NACC2: variants seen among roughly 807,000 people sequenced by gnomAD.
NACC2 encodes NACC family member 2, also known as nucleus accumbens-associated protein 2.
Under a neutral mutation model 25.1 loss-of-function variants are expected in NACC2, and 8 were observed. The observed-to-expected ratio is 0.32, with a 90% CI of 0.19 to 0.57. The LOEUF (loss-of-function observed/expected upper bound fraction) is 0.57. Ranked by LOEUF, NACC2 falls within the 20% of genes least tolerant of loss-of-function variation. NACC2 has a pLI of 0.89. For synonymous variants in NACC2, 435 were observed against 294.7 expected, an observed-to-expected ratio of 1.48 and a Z score of -4.88; for missense variants, 644 against 650.2, an observed-to-expected ratio of 0.99 and a Z score of 0.10.
At position 136,076,244 on chromosome 9, in the gene NACC2, C is replaced by T. The variant is rs150574701; in HGVS notation, c.-60+18945G>A. 3.0e-3 allele frequency among the ~76,000 whole-genome samples: 463 copies of T among 152,280 alleles called. 1 individual carries two copies. The highest frequency in any genetic ancestry group is 0.01 in the African/African-American group (428 of 41,552). On this transcript the variant is annotated intron_variant, in intron 1 of 5. Coordinates refer to ENST00000277554, the MANE Select transcript of NACC2 (RefSeq NM_144653.5). ...CAAGGGGCAGCGTTTCCCGGCCCTG[C>T]GGAACTCGAAGAAGTGCTGTAACTA...
intron 2 of NACC2, among the ~76,000 whole-genome samples, chr9:136,024,224 ACAGAGGG>A (rs1840344266): frequency 3.9e-5 from 1 of 25,562 alleles, no homozygotes; most frequent in South Asian, 1.0e-3. Context: ...GTGTGTGAGG[ACAGAGGG>A]TGTGTGTGAG....
At chr9:136,075,728 C>A (rs1264763761) in intron 1 of NACC2, among the ~76,000 whole-genome samples, 3 of 152,222 alleles carry the variant, frequency 2.0e-5, no homozygotes, top group Non-Finnish European at 4.4e-5. Flanking sequence ...GCAGACTGCG[C>A]CCAGGGGAGG....
At chr9:136,074,745 C>T (rs1564240016) in intron 1 of NACC2, among the ~76,000 whole-genome samples, 1 of 152,176 alleles carries the variant, frequency 6.6e-6, no homozygotes, top group East Asian at 2.0e-4. Flanking sequence ...GAACGACCAT[C>T]CCCTGTGACT....
Position 136,013,729 on chromosome 9 carries a change from C to T in NACC2, c.1157+135G>A. The T allele has an allele frequency of 1.3e-6, 1 of 754,890 alleles. No homozygotes were observed. Among genetic ancestry groups the T allele is most frequent in the East Asian group, 2.8e-5 (1 of 36,214 alleles). The allele number at this position is 754,890 out of a possible 1,614,324, so 46.8% of individuals were successfully genotyped here. ...AGCCTCTCCACCGTCCTGGGGCCGA[C>T]CGGCCACGGCTGAAGTCAGGAATGC... On this transcript the variant is annotated intron_variant, in intron 4 of 5. Transcript: ENST00000277554. This position sits in a 1 kb window ranked among gnomAD's most constrained non-coding sequence, Gnocchi z 6.6.
rs1019777488 is a variant in NACC2 at position 136,007,687 on chromosome 9, A to G, written c.*3829T>C. Reference sequence around the variant, plus strand: ...GCTACGAGCTCTGGATTCTGCGCTTAGGACTCGCTGCTGGCAGAGGCAGAC... The same window carrying G: ...GCTACGAGCTCTGGATTCTGCGCTTGGGACTCGCTGCTGGCAGAGGCAGAC... On this transcript the variant is annotated 3_prime_UTR_variant, in exon 6 of 6. Transcript: ENST00000277554. 3 of 152,304 alleles carry G rather than the reference A, an allele frequency of 2.0e-5. No homozygotes were observed. Among genetic ancestry groups the G allele is most frequent in the African/African-American group, 7.2e-5 (3 of 41,476 alleles). 9.4% of individuals were successfully genotyped at this position (152,304 alleles called of 1,614,324 possible).
At position 136,050,270 on chromosome 9, in the gene NACC2, G is replaced by A; in HGVS notation, c.252C>T (p.Phe84=). 1.3e-6 allele frequency: 1 copy of A among 765,366 alleles called. No homozygotes were observed. Among genetic ancestry groups the A allele is most frequent in the East Asian group, 2.5e-5 (1 of 40,486 alleles). 47.4% of individuals were successfully genotyped at this position (765,366 alleles called of 1,614,324 possible). A position where few individuals can be genotyped will look rare whatever the true frequency, so the allele number is the denominator to read the frequency against. ...PPACFQQILS[F]CYTGRLTMTA... ...TCATGGTGAGCCTGCCCGTGTAGCA[G>A]AAGGACAGGATCTGCTGGAAGCAGG... The change falls in exon 2 of 6, where the codon TTC becomes TTT. Residue 84 remains phenylalanine, a synonymous_variant. Coordinates refer to ENST00000277554, the MANE Select transcript of NACC2 (RefSeq NM_144653.5).
intron 2 of NACC2, among the ~76,000 whole-genome samples, chr9:136,039,626 A>G (rs2131153373): frequency 6.6e-6 from 1 of 152,370 alleles, no homozygotes; most frequent in South Asian, 2.1e-4. Flanking sequence ...CTGTAATACA[A>G]AATGACCAAG....
chr9:136,029,743 G>A (rs967565665), intron 2 of NACC2, among the ~76,000 whole-genome samples: 19 of 152,268 alleles, frequency 1.2e-4, no homozygotes, highest in Admixed American at 3.9e-4. Context: ...GGGAGCCGGC[G>A]CCTGTGCCAG....
chr9:136,094,435 G>C (rs1391123916), intron 1 of NACC2, among the ~76,000 whole-genome samples: 2 of 152,228 alleles, frequency 1.3e-5, no homozygotes, highest in Non-Finnish European at 2.9e-5. Context: ...AGAGAAGCAG[G>C]AAACTCCGTC....
rs962310105 is a variant in NACC2, at chr9:136,055,759, C to T, written c.-59-5179G>A. On this transcript the variant is annotated intron_variant, in intron 1 of 5. Coordinates refer to ENST00000277554, the MANE Select transcript of NACC2 (RefSeq NM_144653.5). This position sits in a 1 kb window ranked among gnomAD's most constrained non-coding sequence, Gnocchi z 4.9. ...ACACGTGGTAGAGGAAGGAGAGAGG[C>T]GGGGCACGGGAAACGTTCTGCGGAG... Among the ~76,000 whole-genome samples the T allele has an allele frequency of 1.3e-5, 2 of 152,176 alleles. No individual in the cohort carries two copies. Among genetic ancestry groups the T allele is most frequent in the African/African-American group, 2.4e-5 (1 of 41,442 alleles).
chr9:136,024,407 A>T (rs74900143), intron 2 of NACC2, among the ~76,000 whole-genome samples: 23,514 of 116,318 alleles, frequency 0.2, 4,434 homozygotes, highest in African/African-American at 0.47. Flanking sequence ...GTGAGGACAG[A>T]GTGTGTGTGT....
At chr9:136,042,589 A>G (rs1318844441) in intron 2 of NACC2, among the ~76,000 whole-genome samples, 1 of 152,192 alleles carries the variant, frequency 6.6e-6, no homozygotes, top group African/African-American at 2.4e-5. Context: ...ACCATCCACT[A>G]GACCATCAGA....
At chr9:136,062,866 G>A (rs532515224) in intron 1 of NACC2, among the ~76,000 whole-genome samples, 17 of 152,308 alleles carry the variant, frequency 1.1e-4, no homozygotes, top group African/African-American at 2.9e-4. Context: ...GCAGTGTGCC[G>A]TGATCGTGCC....
chr9:136,027,362 T>C (rs7388909), intron 2 of NACC2, among the ~76,000 whole-genome samples: 45,474 of 152,116 alleles, frequency 0.3, 7,067 homozygotes, highest in East Asian at 0.35. Context: ...GTGGCTCTGC[T>C]GTGGCCAACA....
intron 2 of NACC2, among the ~76,000 whole-genome samples, chr9:136,046,972 C>T (rs1195875532): frequency 6.6e-6 from 1 of 152,204 alleles, no homozygotes; most frequent in African/African-American, 2.4e-5. Context: ...AACAGGCACA[C>T]GCATTACCAC....
chr9:136,020,915 C>T lies in NACC2; in HGVS notation c.887-4486G>A, dbSNP rs1744169715. On this transcript the variant is annotated intron_variant, in intron 2 of 5. Coordinates refer to ENST00000277554, the MANE Select transcript of NACC2 (RefSeq NM_144653.5). This position sits in a 1 kb window ranked among gnomAD's most constrained non-coding sequence, Gnocchi z 4.7. ...CCGCACCCACACGTGGCACCAAAACCACCCTCCGTCTCAGCCTCGCACCCT... is the reference window on the plus strand; with the variant it reads ...CCGCACCCACACGTGGCACCAAAACTACCCTCCGTCTCAGCCTCGCACCCT... Among the ~76,000 whole-genome samples, 1 of 152,128 alleles carries T rather than the reference C, an allele frequency of 6.6e-6. No individual in the cohort carries two copies. Among genetic ancestry groups the T allele is most frequent in the African/African-American group, 2.4e-5 (1 of 41,414 alleles).
rs1163610527 is a variant in NACC2 at position 136,013,082 on chromosome 9, C to G, written c.1255+117G>C. On this transcript the variant is annotated intron_variant, in intron 5 of 5. Coordinates refer to ENST00000277554, the MANE Select transcript of NACC2 (RefSeq NM_144653.5). The surrounding 1 kb of genome is among the most constrained non-coding windows in gnomAD (Gnocchi z 6.6). ...CCCTCAATCAGACCATGCTCGGCCC[C>G]CAGGGACGGAAGCTGCAGGTGGCCG... 1.3e-6 allele frequency: 1 copy of G among 790,352 alleles called. No individual in the cohort carries two copies. Among genetic ancestry groups the G allele is most frequent in the African/African-American group, 1.7e-5 (1 of 57,752 alleles). The allele number at this position is 790,352 out of a possible 1,614,324, so 49.0% of individuals were successfully genotyped here.
At chr9:136,043,306 C>T (rs1034681177) in intron 2 of NACC2, among the ~76,000 whole-genome samples, 8 of 152,300 alleles carry the variant, frequency 5.3e-5, no homozygotes, top group African/African-American at 1.9e-4. Context: ...TGAAGAAATA[C>T]GTCACAATAA....
At chr9:136,075,087 C>A (rs1391552853) in intron 1 of NACC2, among the ~76,000 whole-genome samples, 1 of 152,248 alleles carries the variant, frequency 6.6e-6, no homozygotes, top group Admixed American at 6.5e-5. Context: ...GTGAAATGAG[C>A]CGATTCCACC....
Sources: gnomAD v4.1 joint callset for allele counts (sites outside exome capture counted in the v4.1 genomes callset) on GRCh38, gnomAD v4.1.1 for gene constraint, Gnocchi (gnomAD v3.1) non-coding constraint, MANE v1.5 for transcripts, NCBI Gene and HGNC (gene_info 2026-07-23, HGNC 2026-07-21) for gene names.